Variants in AVEN observed in about 807,000 individuals in gnomAD.
AVEN encodes the protein apoptosis and caspase activation inhibitor.
In AVEN, 41 loss-of-function variants were observed where a neutral mutation model predicts 38.1. The observed-to-expected ratio is 1.08, with a 90% CI of 0.84 to 1.40. The LOEUF (loss-of-function observed/expected upper bound fraction) is 1.40. AVEN is among the 40% of genes most tolerant of loss of function. AVEN has a pLI of 0.00. For missense variants in AVEN, 605 were observed against 438.8 expected, an observed-to-expected ratio of 1.38 and a Z score of -3.38; for synonymous variants, 206 against 171.8, an observed-to-expected ratio of 1.20 and a Z score of -1.56.
In AVEN at chr15:33,995,228, C is replaced by T. The variant is rs193088901; in HGVS notation, c.445+7804G>A. Reference sequence around the variant, plus strand: ...GCAGTGAGCTATGATCATGCCACTGCACTCCAGCCTGGGTGACAGAGGAAA... The same window carrying T: ...GCAGTGAGCTATGATCATGCCACTGTACTCCAGCCTGGGTGACAGAGGAAA... On this transcript the variant is annotated intron_variant, in intron 2 of 5. Transcript: ENST00000306730. 3.5e-4 allele frequency among the ~76,000 whole-genome samples: 54 copies of T among 152,188 alleles called. No homozygotes were observed. The East Asian group carries it at 9.8e-3, about 28-fold the overall frequency.
intron 2 of AVEN, among the ~76,000 whole-genome samples, chr15:33,944,019 C>A (rs1894417188): frequency 6.6e-6 from 1 of 152,018 alleles, no homozygotes; most frequent in South Asian, 2.1e-4. Flanking sequence ...CACGCATGAA[C>A]CACCACACCT....
chr15:33,946,620 C>T (rs1424740667), intron 2 of AVEN, among the ~76,000 whole-genome samples: 1 of 151,884 alleles, frequency 6.6e-6, no homozygotes, highest in Non-Finnish European at 1.5e-5. Context: ...GGAAGCAGGC[C>T]GGTGGGTAGG....
intron 11 of AVEN, chr15:33,859,591 T>C: frequency 6.2e-7 from 1 of 1,614,016 alleles, no homozygotes; most frequent in Non-Finnish European, 8.5e-7. Context: ...CTTTTCCACA[T>C]GTACGTGGGA....
chr15:33,892,994 G>T (rs1892051922), intron 2 of AVEN, among the ~76,000 whole-genome samples: 2 of 152,092 alleles, frequency 1.3e-5, no homozygotes, highest in South Asian at 2.1e-4. Flanking sequence ...AATTGTGAAT[G>T]GGAGTTCACT....
chr15:33,880,830 T>G (rs114538428), intron 2 of AVEN, among the ~76,000 whole-genome samples: 3,700 of 152,198 alleles, frequency 0.024, 140 homozygotes, highest in African/African-American at 0.085. Context: ...TTTTATAATT[T>G]TGCCATGTCA....
At chr15:33,983,709 C>T (rs929172971) in intron 2 of AVEN, among the ~76,000 whole-genome samples, 4 of 152,026 alleles carry the variant, frequency 2.6e-5, no homozygotes, top group African/African-American at 9.7e-5. Flanking sequence ...CTTAGTGACT[C>T]GCTGCTAGTG....
At chr15:33,956,247 T>C (rs967019265) in intron 2 of AVEN, among the ~76,000 whole-genome samples, 1 of 152,192 alleles carries the variant, frequency 6.6e-6, no homozygotes, top group Non-Finnish European at 1.5e-5. Flanking sequence ...TGCTCTAATG[T>C]GCTGGCCCTA....
chr15:33,859,399 T>A (rs990111874), intron 11 of AVEN, among the ~76,000 whole-genome samples: 2 of 152,198 alleles, frequency 1.3e-5, no homozygotes, highest in Non-Finnish European at 2.9e-5. Context: ...GATATCAAAC[T>A]GTCCAGAGGG....
chr15:33,905,169 CAACTAATTAGGTGTTTA>C (rs1402227312), intron 2 of AVEN, among the ~76,000 whole-genome samples: 5 of 149,592 alleles, frequency 3.3e-5, no homozygotes, highest in Non-Finnish European at 4.4e-5. Context: ...TTTTGTTTCC[CAACTAATTAGGTGTTTA>C]AACTAATTAG....
At chr15:34,033,058 GT>G (rs1355071129) in intron 1 of AVEN, among the ~76,000 whole-genome samples, 2 of 152,102 alleles carry the variant, frequency 1.3e-5, no homozygotes, top group African/African-American at 4.8e-5. Context: ...TGTGAACAAT[GT>G]TTCTCAATCC....
chr15:34,063,617 C>T lies in AVEN; in HGVS notation n.1127-185G>A. The T allele has an allele frequency of 6.2e-7, 1 of 1,614,038 alleles. No individual in the cohort carries two copies. The highest frequency in any genetic ancestry group is 1.1e-5 in the South Asian group (1 of 91,084). On this transcript the variant is annotated intron_variant and non_coding_transcript_variant, in intron 4 of 11. Coordinates refer to the AVEN transcript ENST00000675287. The surrounding 1 kb of genome is among the most constrained non-coding windows in gnomAD (Gnocchi z 4.1). ...CCAATTGGGCCAAAGCTGAGCAGCT[C>T]ACCACCTGTAGCAGCTACCCTTCCT... is the stretch of plus-strand genomic sequence containing the variant.
At position 34,039,177 on chromosome 15, in the gene AVEN, G is replaced by A; in HGVS notation, c.-131C>T. 6.3e-6 allele frequency: 5 copies of A among 794,058 alleles called. No individual in the cohort carries two copies. Among genetic ancestry groups the A allele is most frequent in the Non-Finnish European group, 7.7e-6 (5 of 645,842 alleles). The allele number at this position is 794,058 out of a possible 1,614,324, so 49.2% of individuals were successfully genotyped here. The stretch of plus-strand genomic sequence containing the variant: ...CCGGTAGCAGCGAGGCGCGGGGTGC[G>A]GGGCTAGGGATCGAGGCCGGCCGCA... On this transcript the variant is annotated 5_prime_UTR_variant, in exon 1 of 6. Coordinates refer to ENST00000306730, the MANE Select transcript of AVEN (RefSeq NM_020371.3).
At chr15:33,930,470 A>G (rs1567418845) in intron 2 of AVEN, among the ~76,000 whole-genome samples, 1 of 152,234 alleles carries the variant, frequency 6.6e-6, no homozygotes, top group African/African-American at 2.4e-5. Flanking sequence ...GTGAACATGT[A>G]TAAAATACTC....
At chr15:33,896,186 A>C (rs1171944374) in intron 2 of AVEN, among the ~76,000 whole-genome samples, 1 of 152,242 alleles carries the variant, frequency 6.6e-6, no homozygotes, top group East Asian at 1.9e-4. Flanking sequence ...AGGTAAAAGC[A>C]ATTTCTGATA....
intron 2 of AVEN, among the ~76,000 whole-genome samples, chr15:33,989,079 C>A (rs1038569092): frequency 5.3e-5 from 8 of 152,084 alleles, no homozygotes; most frequent in African/African-American, 1.9e-4. Context: ...TATTTTTAAT[C>A]ATCTTTCAAG....
chr15:33,916,217 C>A (rs1893131185), intron 2 of AVEN, among the ~76,000 whole-genome samples: 1 of 152,168 alleles, frequency 6.6e-6, no homozygotes. Context: ...AGAGGCCAAC[C>A]AACACAAAAC....
In AVEN at chr15:33,924,141, G is replaced by C. The variant is rs145154485; in HGVS notation, c.446-48146C>G. On this transcript the variant is annotated intron_variant, in intron 2 of 5. Coordinates refer to ENST00000306730, the MANE Select transcript of AVEN (RefSeq NM_020371.3). ...AGTCTCTGGTGCCAAAAAGGTTGGG[G>C]ACCACTAATGCATAGTATTTCTGTC... 3.8e-3 allele frequency among the ~76,000 whole-genome samples: 570 copies of C among 151,964 alleles called. 3 individuals are homozygous for C. Among genetic ancestry groups the C allele is most frequent in the Non-Finnish European group, 5.4e-3 (364 of 67,960 alleles).
intron 2 of AVEN, among the ~76,000 whole-genome samples, chr15:33,950,315 T>TA (rs940520836): frequency 6.6e-6 from 1 of 152,222 alleles, no homozygotes; most frequent in African/African-American, 2.4e-5. Context: ...ATTACTCTCT[T>TA]ACAATTTTCT....
At chr15:33,906,253 T>C (rs574081089) in intron 2 of AVEN, among the ~76,000 whole-genome samples, 3 of 152,152 alleles carry the variant, frequency 2.0e-5, no homozygotes, top group South Asian at 2.1e-4. Flanking sequence ...CATGCACCAA[T>C]AGGACCCACA....
Sources: gnomAD v4.1 joint callset for allele counts (sites outside exome capture counted in the v4.1 genomes callset) on GRCh38, gnomAD v4.1.1 for gene constraint, Gnocchi (gnomAD v3.1) non-coding constraint, MANE v1.5 for transcripts, NCBI Gene and HGNC (gene_info 2026-07-23, HGNC 2026-07-21) for gene names.